GRIN2B: variants seen among roughly 807,000 people sequenced by gnomAD.
GRIN2B encodes glutamate ionotropic receptor NMDA type subunit 2B.
GRIN2B carries 5 observed loss-of-function variants against 114.5 expected under a neutral mutation model. The ratio of observed to expected loss-of-function variants is 0.04; its 90% CI spans 0.02 to 0.09. The LOEUF is 0.09. Ranked by LOEUF, GRIN2B falls within the 10% of genes least tolerant of loss-of-function variation. GRIN2B has a pLI of 1.00. For synonymous variants in GRIN2B, 787 were observed against 745.1 expected (o/e 1.06, Z -0.92); for missense variants, 1,108 against 1,943.5 (o/e 0.57, Z 8.08).
At chr12:13,715,147 A>G (rs966125658) in intron 4 of GRIN2B, among the ~76,000 whole-genome samples, 2 of 151,900 alleles carry the variant, frequency 1.3e-5, no homozygotes, top group Non-Finnish European at 2.9e-5. Flanking sequence ...GATGTTCGCT[A>G]ACAAGATGAA....
At chr12:13,648,556 T>A (rs546381881) in intron 5 of GRIN2B, among the ~76,000 whole-genome samples, 1 of 151,910 alleles carries the variant, frequency 6.6e-6, no homozygotes, top group Non-Finnish European at 1.5e-5. Context: ...GATTTAAAAT[T>A]TCCTCCCACT....
Position 13,599,921 on chromosome 12 carries a change from C to T in GRIN2B, c.2010+8682G>A, listed in dbSNP as rs560949052. On this transcript the variant is annotated intron_variant, in intron 10 of 13. Coordinates refer to ENST00000609686, the MANE Select transcript of GRIN2B (RefSeq NM_000834.5). The stretch of plus-strand genomic sequence containing the variant: ...TCACTAGCCTCTCCCACATCCAGAA[C>T]ATTCCAAATCTGAAAGGACAACATC... Among the ~76,000 whole-genome samples the T allele has an allele frequency of 1.4e-3, 210 of 152,340 alleles. 1 individual carries two copies. Among genetic ancestry groups the T allele is most frequent in the African/African-American group, 4.7e-3 (197 of 41,586 alleles).
intron 3 of GRIN2B, among the ~76,000 whole-genome samples, chr12:13,849,030 A>T (rs1344537111): frequency 6.6e-6 from 1 of 152,106 alleles, no homozygotes; most frequent in Non-Finnish European, 1.5e-5. Flanking sequence ...AAGTTCCATG[A>T]CCCCAAATAG....
At chr12:13,613,846 G>C (rs944211661) in intron 8 of GRIN2B, among the ~76,000 whole-genome samples, 5 of 152,006 alleles carry the variant, frequency 3.3e-5, no homozygotes, top group Non-Finnish European at 7.4e-5. Flanking sequence ...CTCCTCCTCT[G>C]AATACAGACG....
intron 2 of GRIN2B, among the ~76,000 whole-genome samples, chr12:13,889,595 A>T (rs1427600383): frequency 6.6e-6 from 1 of 152,198 alleles, no homozygotes; most frequent in Non-Finnish European, 1.5e-5. Context: ...TTAAGTGACT[A>T]CCTTAAAATG....
intron 5 of GRIN2B, among the ~76,000 whole-genome samples, chr12:13,649,389 A>G (rs1272436529): frequency 2.0e-5 from 3 of 152,076 alleles, no homozygotes; most frequent in Non-Finnish European, 4.4e-5. Flanking sequence ...GGTGCTGAGA[A>G]CAGCTTACAA....
intron 3 of GRIN2B, among the ~76,000 whole-genome samples, chr12:13,837,500 T>C (rs2300273): frequency 0.51 from 77,828 of 152,012 alleles, 20,231 homozygotes; most frequent in Middle Eastern, 0.59. Context: ...CAGCCAAGCA[T>C]TGGACAGAGT....
At chr12:13,721,939 G>A (rs1476440864) in intron 4 of GRIN2B, among the ~76,000 whole-genome samples, 1 of 152,138 alleles carries the variant, frequency 6.6e-6, no homozygotes, top group Non-Finnish European at 1.5e-5. Context: ...AAAATCACAA[G>A]AGTGTAGCTT....
intron 2 of GRIN2B, among the ~76,000 whole-genome samples, chr12:13,879,858 G>A (rs1866044668): frequency 6.6e-6 from 1 of 152,232 alleles, no homozygotes; most frequent in Non-Finnish European, 1.5e-5. Context: ...CAGATAAAGG[G>A]AGTACAATCA....
chr12:13,778,728 C>T (rs766328044), intron 3 of GRIN2B, among the ~76,000 whole-genome samples: 4 of 152,294 alleles, frequency 2.6e-5, no homozygotes, highest in Admixed American at 6.5e-5. Context: ...CCATCTCTCC[C>T]CAGTCTTCCT....
intron 2 of GRIN2B, among the ~76,000 whole-genome samples, chr12:13,962,514 A>C (rs1456012618): frequency 6.6e-6 from 1 of 152,206 alleles, no homozygotes; most frequent in Non-Finnish European, 1.5e-5. Context: ...AACCAGAAAC[A>C]ATTTGAAATT....
intron 3 of GRIN2B, among the ~76,000 whole-genome samples, chr12:13,854,721 C>T (rs977193278): frequency 2.8e-4 from 43 of 152,082 alleles, no homozygotes; most frequent in African/African-American, 9.9e-4. Context: ...GAGAGAACAC[C>T]CAAACTGCAT....
At chr12:13,617,464 G>T (rs369358180) in intron 5 of GRIN2B, among the ~76,000 whole-genome samples, 28 of 152,324 alleles carry the variant, frequency 1.8e-4, no homozygotes, top group African/African-American at 6.7e-4. Flanking sequence ...GAACATGGCG[G>T]CCTGCTGGCA....
At chr12:13,763,109 C>T (rs1487330160) in intron 3 of GRIN2B, among the ~76,000 whole-genome samples, 1 of 151,256 alleles carries the variant, frequency 6.6e-6, no homozygotes, top group Non-Finnish European at 1.5e-5. Context: ...TAAAATTGCA[C>T]AGAGACAGAT....
chr12:13,802,141 A>G (rs1864527857), intron 3 of GRIN2B, among the ~76,000 whole-genome samples: 1 of 152,142 alleles, frequency 6.6e-6, no homozygotes, highest in South Asian at 2.1e-4. Flanking sequence ...ACTTTACTAA[A>G]TGAAATCATG....
At chr12:13,880,400 G>T (rs747818385) in intron 2 of GRIN2B, among the ~76,000 whole-genome samples, 5 of 152,208 alleles carry the variant, frequency 3.3e-5, no homozygotes, top group Admixed American at 6.5e-5. Context: ...ATGCTCAGCT[G>T]GCGCTCGGAC....
At chr12:13,824,355 T>C (rs7961779) in intron 3 of GRIN2B, among the ~76,000 whole-genome samples, 19,077 of 152,220 alleles carry the variant, frequency 0.13, 1,287 homozygotes, top group South Asian at 0.19. Flanking sequence ...TTTCGTAGTT[T>C]TCTGTCTCTC....
intron 4 of GRIN2B, among the ~76,000 whole-genome samples, chr12:13,743,124 C>G (rs1159352737): frequency 6.6e-6 from 1 of 152,164 alleles, no homozygotes; most frequent in Non-Finnish European, 1.5e-5. Flanking sequence ...CCATAGATAA[C>G]CCAACTGCCC....
At chr12:13,752,175 T>A (rs1457299185) in intron 4 of GRIN2B, among the ~76,000 whole-genome samples, 1 of 152,240 alleles carries the variant, frequency 6.6e-6, no homozygotes, top group Admixed American at 6.5e-5. Flanking sequence ...ACATCCCAAG[T>A]ACACCTTTTA....
Sources: gnomAD v4.1 joint callset for allele counts (sites outside exome capture counted in the v4.1 genomes callset) on GRCh38, gnomAD v4.1.1 for gene constraint, MANE v1.5 for transcripts, NCBI Gene and HGNC (gene_info 2026-07-23, HGNC 2026-07-21) for gene names.